The following SERPINA9 variants were observed in gnomAD, a reference collection of about 807,000 sequenced individuals.
SERPINA9 encodes the protein serpin A9.
A neutral mutation model predicts 24.5 loss-of-function variants in SERPINA9; 32 were observed. The ratio of observed to expected loss-of-function variants is 1.30; its 90% CI spans 0.98 to 1.75. The LOEUF is 1.75. SERPINA9 is among the 40% of genes most tolerant of loss of function. The probability of loss-of-function intolerance (pLI) is 0.00; values close to 1 mark genes in which losing one functional copy is unlikely to be tolerated. For missense variants in SERPINA9, 594 were observed against 497.1 expected (o/e 1.19, Z -1.85); for synonymous variants, 233 against 197.7 (o/e 1.18, Z -1.50).
chr14:94,469,161 A>G, intron 2 of SERPINA9, 52 bp downstream of exon 2: 4 of 1,523,556 alleles, frequency 2.6e-6, no homozygotes, highest in Non-Finnish European at 3.6e-6. Flanking sequence ...AGCAAAAATC[A>G]TCATCATCAT....
intron 1 of SERPINA9, among the ~76,000 whole-genome samples, chr14:94,475,351 T>C (rs1899541750): frequency 6.6e-6 from 1 of 152,256 alleles, no homozygotes; most frequent in Admixed American, 6.5e-5. Context: ...CCTTAACCTT[T>C]TTATTCCAGG....
chr14:94,467,910 T>A (rs971912), intron 2 of SERPINA9, among the ~76,000 whole-genome samples: 1 of 55,210 alleles, frequency 1.8e-5, no homozygotes, highest in Non-Finnish European at 3.4e-5. Flanking sequence ...GATGAATGGA[T>A]GCATGGATGG....
chr14:94,469,081 A>G (rs1899160398), intron 2 of SERPINA9, 132 bp downstream of exon 2: 1 of 756,812 alleles, frequency 1.3e-6, no homozygotes, highest in African/African-American at 1.8e-5. Flanking sequence ...TTGCAAAGCT[A>G]ATTAGAGCTC....
At chr14:94,470,314 G>T (rs1035931409) in intron 1 of SERPINA9, 3 of 565,774 alleles carry the variant, frequency 5.3e-6, no homozygotes, top group Non-Finnish European at 6.5e-6. Context: ...TTCTCACCCT[G>T]GCTGCCTGTT....
In SERPINA9 at chr14:94,469,504, C is replaced by T. The variant is rs1442346237; in HGVS notation, c.337G>A (p.Gly113Ser). Reference protein sequence around the residue: ...THTPESAIHQGFQHLVHSLTV... With the variant: ...THTPESAIHQSFQHLVHSLTV... The stretch of plus-strand genomic sequence containing the variant: ...AGTGAGTGAACCAGGTGCTGGAAGC[C>T]CTGGTGGATGGCAGACTCTGGTGTG... Residue 113 changes from glycine to serine, a missense_variant, in exon 2 of 5, where the codon GGC (glycine) becomes AGC (serine). Transcript: ENST00000674397. 3.1e-6 allele frequency: 5 copies of T among 1,613,950 alleles called. No homozygotes were observed. In the African/African-American group the frequency reaches 5.3e-5, roughly 17 times the overall value.
At chr14:94,467,033 TA>T in intron 3 of SERPINA9, 75 bp downstream of exon 3, 1 of 1,507,342 alleles carries the variant, frequency 6.6e-7, no homozygotes. Flanking sequence ...CAACAGCTGT[TA>T]GCACAATCTC....
chr14:94,464,004 G>C (rs1898867953), intron 4 of SERPINA9, among the ~76,000 whole-genome samples: 1 of 152,182 alleles, frequency 6.6e-6, no homozygotes, highest in African/African-American at 2.4e-5. Context: ...TAAAATTTTA[G>C]GTCAGGGATC....
In SERPINA9 at chr14:94,476,075, T is replaced by C. The variant is rs1363600352; in HGVS notation, c.-18+61A>G. The C allele has an allele frequency of 3.7e-6, 6 of 1,612,580 alleles. No homozygotes were observed. The East Asian group carries it at 6.7e-5, about 18-fold the overall frequency. On this transcript the variant is annotated intron_variant, in intron 1 of 4. Coordinates refer to ENST00000674397, the MANE Select transcript of SERPINA9 (RefSeq NM_175739.4). ...CACTGAAGACCATGCTCTGATCCAG[T>C]CCTTCCCTCTGGCTCAGTGACACCA...
chr14:94,466,717 T>A (rs1899020743), intron 3 of SERPINA9, among the ~76,000 whole-genome samples: 1 of 152,224 alleles, frequency 6.6e-6, no homozygotes, highest in South Asian at 2.1e-4. Context: ...ACCTTTGGAT[T>A]TGGTAATATT....
At chr14:94,466,260 T>G (rs1899000369) in intron 3 of SERPINA9, among the ~76,000 whole-genome samples, 1 of 152,212 alleles carries the variant, frequency 6.6e-6, no homozygotes, top group African/African-American at 2.4e-5. Context: ...CAAGCCTCTG[T>G]GTGCTCATAT....
At chr14:94,475,841 C>A in intron 1 of SERPINA9, 1 of 482,436 alleles carries the variant, frequency 2.1e-6, no homozygotes, top group Non-Finnish European at 3.7e-6. Flanking sequence ...TCATTTGCTT[C>A]TAGCAGCTGC....
At position 94,473,581 on chromosome 14, in the gene SERPINA9, C is replaced by T. The variant is rs1376531725; in HGVS notation, c.-18+2555G>A. The stretch of plus-strand genomic sequence containing the variant: ...AACCAGGGAGGTGAAATGAAGGAGG[C>T]CTCCTGGAATATAAGACTGAAACCC... On this transcript the variant is annotated intron_variant, in intron 1 of 4. Transcript: ENST00000674397. 2.0e-5 allele frequency among the ~76,000 whole-genome samples: 3 copies of T among 150,950 alleles called. No homozygotes were observed. In the East Asian group the frequency reaches 5.8e-4, roughly 29 times the overall value.
chr14:94,472,393 C>T (rs1899365154), intron 1 of SERPINA9, among the ~76,000 whole-genome samples: 1 of 152,190 alleles, frequency 6.6e-6, no homozygotes, highest in Non-Finnish European at 1.5e-5. Context: ...CCCTCCCTGG[C>T]TCCCCTCTCC....
chr14:94,470,211 G>A (rs1899245999), intron 1 of SERPINA9: 3 of 1,021,066 alleles, frequency 2.9e-6, no homozygotes, highest in African/African-American at 3.4e-5. Flanking sequence ...TTGAGTATGT[G>A]AACCCAGATT....
intron 2 of SERPINA9, 115 bp downstream of exon 2, chr14:94,469,098 T>C: frequency 1.1e-6 from 1 of 900,846 alleles, no homozygotes; most frequent in Non-Finnish European, 1.7e-6. Context: ...GCTCAGGCCC[T>C]CCCATTTCTC....
chr14:94,472,300 T>C (rs537276871), intron 1 of SERPINA9, among the ~76,000 whole-genome samples: 1 of 152,308 alleles, frequency 6.6e-6, no homozygotes, highest in East Asian at 1.9e-4. Context: ...ATGCCCCTCC[T>C]GGATGCCACC....
chr14:94,469,503 C>T lies in SERPINA9; in HGVS notation c.338G>A (p.Gly113Asp). Residue 113 changes from glycine (G) to aspartate (D), a missense_variant, in exon 2 of 5, where the codon GGC (glycine) becomes GAC (aspartate). Coordinates refer to ENST00000674397, the MANE Select transcript of SERPINA9 (RefSeq NM_175739.4). ...THTPESAIHQ[G>D]FQHLVHSLTV... Reference sequence around the variant, plus strand: ...CAGTGAGTGAACCAGGTGCTGGAAGCCCTGGTGGATGGCAGACTCTGGTGT... The same window carrying T: ...CAGTGAGTGAACCAGGTGCTGGAAGTCCTGGTGGATGGCAGACTCTGGTGT... 2 of 1,614,140 alleles carry T rather than the reference C, an allele frequency of 1.2e-6. No homozygotes were observed. Among genetic ancestry groups the T allele is most frequent in the Non-Finnish European group, 1.7e-6 (2 of 1,180,016 alleles).
rs542671528 is a variant in SERPINA9 at position 94,468,840 on chromosome 14, G to T, written c.628+373C>A. Among the ~76,000 whole-genome samples the T allele has an allele frequency of 3.9e-5, 6 of 152,282 alleles. No individual in the cohort carries two copies. The South Asian group carries it at 1.2e-3, about 32-fold the overall frequency. On this transcript the variant is annotated intron_variant, in intron 2 of 4. Transcript: ENST00000674397. The stretch of plus-strand genomic sequence containing the variant: ...CTCTTGGATTTGCTTCTTAAACTGG[G>T]TTGTCAGAGAGTTCCATGTTTCTTT...
At position 94,469,699 on chromosome 14, in the gene SERPINA9, T is replaced by C. The variant is rs1899210184; in HGVS notation, c.142A>G (p.Asn48Asp). 1.2e-6 allele frequency: 2 copies of C among 1,605,730 alleles called. No individual in the cohort carries two copies. Among genetic ancestry groups the C allele is most frequent in the Non-Finnish European group, 1.7e-6 (2 of 1,173,436 alleles). ...STPASQVYSL[N>D]TDFAFRLYRR... The stretch of plus-strand genomic sequence containing the variant: ...TATAGGCGGAAGGCAAAGTCGGTGT[T>C]GAGGGAATACACCTGTGAGGCAGGG... The change falls in exon 2 of 5, where the codon AAC becomes GAC. Residue 48 changes from asparagine to aspartate, a missense_variant. Coordinates refer to ENST00000674397, the MANE Select transcript of SERPINA9 (RefSeq NM_175739.4).
Sources: gnomAD v4.1 joint callset for allele counts (sites outside exome capture counted in the v4.1 genomes callset) on GRCh38, gnomAD v4.1.1 for gene constraint, MANE v1.5 for transcripts, NCBI Gene and HGNC (gene_info 2026-07-23, HGNC 2026-07-21) for gene names.